VSTM2B: variants seen among roughly 807,000 people sequenced by gnomAD.
The protein encoded by VSTM2B is V-set and transmembrane domain containing 2B.
A neutral mutation model predicts 24.0 loss-of-function variants in VSTM2B; 24 were observed. That is an observed-to-expected ratio of 1.00 (90% CI 0.72 to 1.40). The LOEUF (loss-of-function observed/expected upper bound fraction) is 1.40, where lower values mean the gene tolerates loss of function less well. VSTM2B is among the 40% of genes most tolerant of loss of function. The pLI, the probability that VSTM2B is intolerant of heterozygous loss-of-function variation, is 0.00. For missense variants in VSTM2B, 399 were observed against 416.4 expected, an observed-to-expected ratio of 0.96 and a Z score of 0.36; for synonymous variants, 226 against 194.4, an observed-to-expected ratio of 1.16 and a Z score of -1.35.
chr19:29,529,787 C>G, intron 3 of VSTM2B, 32 bp from the exon 4 acceptor site: 3 of 1,542,794 alleles, frequency 1.9e-6, no homozygotes, highest in Non-Finnish European at 2.6e-6. Flanking sequence ...TGGGAGCTGC[C>G]CAGCCCGGCC....
At chr19:29,549,023 A>T (rs1454720626) in intron 4 of VSTM2B, among the ~76,000 whole-genome samples, 1 of 152,010 alleles carries the variant, frequency 6.6e-6, no homozygotes, top group Non-Finnish European at 1.5e-5. Context: ...GCCCCCACCC[A>T]CCCCAGTGTT....
chr19:29,532,038 C>G (rs1321844874), intron 4 of VSTM2B, among the ~76,000 whole-genome samples: 1 of 152,232 alleles, frequency 6.6e-6, no homozygotes, highest in Non-Finnish European at 1.5e-5. Flanking sequence ...CCCTAATACT[C>G]TCAGGCATGC....
chr19:29,529,217 T>C, intron 3 of VSTM2B: 2 of 815,868 alleles, frequency 2.5e-6, no homozygotes, highest in Non-Finnish European at 3.0e-6. Flanking sequence ...AAAGGCGGGT[T>C]GGTAGCAGGT....
chr19:29,553,273 TC>T (rs571865601), intron 4 of VSTM2B, among the ~76,000 whole-genome samples: 57 of 152,250 alleles, frequency 3.7e-4, no homozygotes, highest in Non-Finnish European at 6.8e-4. Context: ...TTCTGTAGCC[TC>T]CACTGATGAC....
chr19:29,537,446 C>T (rs1220256461), intron 4 of VSTM2B, among the ~76,000 whole-genome samples: 1 of 152,192 alleles, frequency 6.6e-6, no homozygotes, highest in Non-Finnish European at 1.5e-5. Flanking sequence ...CTGCCTGCAT[C>T]CTCCACAGGA....
At chr19:29,541,677 G>A (rs182941779) in intron 4 of VSTM2B, among the ~76,000 whole-genome samples, 2 of 152,074 alleles carry the variant, frequency 1.3e-5, no homozygotes, top group Non-Finnish European at 2.9e-5. Flanking sequence ...ATAAATGGGT[G>A]GGTAGAAGGA....
chr19:29,533,324 C>T (rs931162188), intron 4 of VSTM2B, among the ~76,000 whole-genome samples: 1 of 152,184 alleles, frequency 6.6e-6, no homozygotes, highest in Non-Finnish European at 1.5e-5. Context: ...TGGATCCCAG[C>T]GGGGCTGACA....
intron 4 of VSTM2B, among the ~76,000 whole-genome samples, chr19:29,562,525 G>A (rs918079903): frequency 4.6e-5 from 7 of 152,208 alleles, no homozygotes; most frequent in African/African-American, 1.4e-4. Context: ...AGCCCAGCTG[G>A]TGGGGTCAAG....
chr19:29,527,502 C>T, intron 2 of VSTM2B, 107 bp downstream of exon 2: 2 of 1,035,528 alleles, frequency 1.9e-6, no homozygotes, highest in African/African-American at 1.7e-5. Flanking sequence ...AGGGCGCCGC[C>T]CTGTGGCGCA....
At chr19:29,530,359 C>T in intron 4 of VSTM2B, 69 bp downstream of exon 4, 4 of 1,345,232 alleles carry the variant, frequency 3.0e-6, no homozygotes, top group Non-Finnish European at 3.8e-6. Context: ...CGGGACGCCC[C>T]GGGGGGCTCC....
In VSTM2B at chr19:29,530,116, G is replaced by C. The variant is rs62104163; in HGVS notation, c.595G>C (p.Asp199His). The C allele has an allele frequency of 0.097, 139,932 of 1,443,870 alleles. 8,133 individuals are homozygous for C. Among genetic ancestry groups the C allele is most frequent in the East Asian group, 0.29 (9,558 of 33,162 alleles). 89.4% of individuals were successfully genotyped at this position (1,443,870 alleles called of 1,614,324 possible). The stretch of plus-strand genomic sequence containing the variant: ...TACCACCTCCGAGCCCGGCCGCGGC[G>C]ACAAGAGCCCGCCGCCCGGGAGCCC... Reference protein sequence around the residue: ...SRTTSEPGRGDKSPPPGSPPA... With the variant: ...SRTTSEPGRGHKSPPPGSPPA... The change falls in exon 4 of 5, where the codon GAC (aspartate) becomes CAC (histidine). Residue 199 changes from aspartate (D) to histidine (H), a missense_variant. Transcript: ENST00000335523.
At position 29,526,868 on chromosome 19, in the gene VSTM2B, T is replaced by TCC; in HGVS notation, c.82+205_82+206dup. ...AGCGCCGCGCCCGAGTCGTTCCCAG[T>TCC]CCCGCCGGGGCCCCGGCTGCGGAAA... On this transcript the variant is annotated intron_variant, in intron 1 of 4. Coordinates refer to ENST00000335523, the MANE Select transcript of VSTM2B (RefSeq NM_001146339.2). This position sits in a 1 kb window ranked among gnomAD's most constrained non-coding sequence, Gnocchi z 4.1. The TCC allele has an allele frequency of 2.0e-6, 1 of 505,586 alleles. No homozygotes were observed. The highest frequency in any genetic ancestry group is 3.4e-6 in the Non-Finnish European group (1 of 296,002). The allele number at this position is 505,586 out of a possible 1,614,324, so 31.3% of individuals were successfully genotyped here.
At chr19:29,527,538 A>C (rs1969614841) in intron 2 of VSTM2B, 143 bp downstream of exon 2, 2 of 690,102 alleles carry the variant, frequency 2.9e-6, no homozygotes, top group Non-Finnish European at 4.4e-6. Context: ...TCGCATCCCA[A>C]AGCATCTTCA....
intron 4 of VSTM2B, among the ~76,000 whole-genome samples, chr19:29,552,661 C>T (rs570701132): frequency 1.2e-4 from 18 of 152,322 alleles, no homozygotes; most frequent in South Asian, 4.1e-4. Context: ...TACTGAGTTC[C>T]GGGGAGAGGG....
chr19:29,525,484 G>T (rs376956145), upstream of VSTM2B: 2 of 152,190 alleles, frequency 1.3e-5, no homozygotes, highest in African/African-American at 2.4e-5. Flanking sequence ...CTCGCTGGGC[G>T]CTGTGCGCTC....
chr19:29,555,622 C>G (rs1970388266), intron 4 of VSTM2B, among the ~76,000 whole-genome samples: 1 of 151,164 alleles, frequency 6.6e-6, no homozygotes, highest in East Asian at 1.9e-4. Context: ...AATCCAGGAG[C>G]TAGTTTTTTG....
intron 4 of VSTM2B, among the ~76,000 whole-genome samples, chr19:29,552,717 TC>T (rs1970314221): frequency 1.3e-5 from 2 of 152,130 alleles, no homozygotes; most frequent in African/African-American, 4.8e-5. Context: ...ATGGCTAAGC[TC>T]CCAGGGGGAA....
At chr19:29,555,734 T>C (rs1312760806) in intron 4 of VSTM2B, among the ~76,000 whole-genome samples, 1 of 152,084 alleles carries the variant, frequency 6.6e-6, no homozygotes, top group Non-Finnish European at 1.5e-5. Flanking sequence ...ATATCACTAC[T>C]GACCCCACAG....
chr19:29,532,396 A>G (rs1969780006), intron 4 of VSTM2B, among the ~76,000 whole-genome samples: 1 of 152,150 alleles, frequency 6.6e-6, no homozygotes, highest in South Asian at 2.1e-4. Flanking sequence ...ATCTCTGTTC[A>G]GCATACAGGC....
Sources: gnomAD v4.1 joint callset for allele counts (sites outside exome capture counted in the v4.1 genomes callset) on GRCh38, gnomAD v4.1.1 for gene constraint, Gnocchi (gnomAD v3.1) non-coding constraint, MANE v1.5 for transcripts, NCBI Gene and HGNC (gene_info 2026-07-23, HGNC 2026-07-21) for gene names.